Variants in MAGI3 observed in about 807,000 individuals in gnomAD.
MAGI3 encodes the protein membrane-associated guanylate kinase, WW and PDZ domain-containing protein 3.
A neutral mutation model predicts 121.8 loss-of-function variants in MAGI3; 43 were observed. The ratio of observed to expected loss-of-function variants is 0.35; its 90% CI spans 0.28 to 0.46. MAGI3 has a LOEUF of 0.46. Among genes scored for constraint, MAGI3 ranks in the 20% least tolerant of loss-of-function variants. The pLI is 1.00. For synonymous variants in MAGI3, 553 were observed against 639.3 expected (o/e 0.86, Z 2.04); for missense variants, 1,547 against 1,797.3 (o/e 0.86, Z 2.52).
At chr1:113,465,234 C>T (rs1655222261) in intron 1 of MAGI3, among the ~76,000 whole-genome samples, 1 of 152,062 alleles carries the variant, frequency 6.6e-6, no homozygotes, top group African/African-American at 2.4e-5. Context: ...AATCCAGTTT[C>T]CCCAGCAGCA....
rs568983131 is a variant in MAGI3 at position 113,447,715 on chromosome 1, A to G, written c.316+56366A>G. Among the ~76,000 whole-genome samples, 26 of 152,230 alleles carry G rather than the reference A, an allele frequency of 1.7e-4. No homozygotes were observed. The South Asian group carries it at 5.4e-3, about 32-fold the overall frequency. ...CTAAAAATACAAAAATTAGCCATGC[A>G]TGGTGGCATGTGCCTGTAATTCCAG... On this transcript the variant is annotated intron_variant, in intron 1 of 20. Coordinates refer to ENST00000307546, the MANE Select transcript of MAGI3 (RefSeq NM_001142782.2).
At chr1:113,568,334 T>C (rs1352480753) in intron 2 of MAGI3, among the ~76,000 whole-genome samples, 2 of 152,046 alleles carry the variant, frequency 1.3e-5, no homozygotes, top group Admixed American at 6.6e-5. Flanking sequence ...TAGTGTGAAA[T>C]TGAGGGATGC....
chr1:113,519,153 A>G (rs1433227745), intron 1 of MAGI3, among the ~76,000 whole-genome samples: 1 of 152,068 alleles, frequency 6.6e-6, no homozygotes, highest in Non-Finnish European at 1.5e-5. Context: ...TGTTCTTAGA[A>G]GTATGCCGAT....
At chr1:113,653,768 C>A in intron 14 of MAGI3, 62 bp from the exon 15 acceptor site, 1 of 1,387,294 alleles carries the variant, frequency 7.2e-7, no homozygotes, top group South Asian at 1.5e-5. Context: ...AGCATAAAAA[C>A]ACTTTAGTCA....
intron 9 of MAGI3, among the ~76,000 whole-genome samples, chr1:113,641,006 A>G (rs1189224774): frequency 1.9e-5 from 1 of 52,928 alleles, no homozygotes; most frequent in Non-Finnish European, 3.7e-5. Flanking sequence ...TGATATATAT[A>G]ATATATATGA....
intron 6 of MAGI3, among the ~76,000 whole-genome samples, chr1:113,598,648 A>C (rs1487535956): frequency 6.6e-6 from 1 of 152,040 alleles, no homozygotes; most frequent in East Asian, 1.9e-4. Flanking sequence ...AAATATATAT[A>C]CCCCTAACTC....
At chr1:113,627,688 G>T (rs974811221) in intron 9 of MAGI3, among the ~76,000 whole-genome samples, 3 of 150,638 alleles carry the variant, frequency 2.0e-5, no homozygotes, top group Admixed American at 2.0e-4. Flanking sequence ...TGCTTTATGT[G>T]TCTGGGTACT....
chr1:113,475,978 T>G (rs1052546490), intron 1 of MAGI3, among the ~76,000 whole-genome samples: 8 of 152,230 alleles, frequency 5.3e-5, no homozygotes, highest in Admixed American at 1.3e-4. Context: ...GTCCAGGAAT[T>G]TATCCATTTC....
chr1:113,438,248 T>C (rs1387709135), intron 1 of MAGI3, among the ~76,000 whole-genome samples: 1 of 152,158 alleles, frequency 6.6e-6, no homozygotes, highest in Non-Finnish European at 1.5e-5. Context: ...TATTTACTTA[T>C]AGTCCTGAAA....
intron 1 of MAGI3, among the ~76,000 whole-genome samples, chr1:113,482,182 C>G (rs981270932): frequency 1.3e-5 from 2 of 152,044 alleles, no homozygotes; most frequent in African/African-American, 2.4e-5. Context: ...TTGTGATACT[C>G]AGAAGACAGG....
intron 2 of MAGI3, among the ~76,000 whole-genome samples, chr1:113,572,932 CT>C (rs1199366354): frequency 0.012 from 1,700 of 145,662 alleles, 28 homozygotes; most frequent in African/African-American, 0.039. Flanking sequence ...GTTCTGCTAG[CT>C]TTTTTTTTTT....
At chr1:113,494,582 A>C (rs1008291091) in intron 1 of MAGI3, among the ~76,000 whole-genome samples, 1 of 152,228 alleles carries the variant, frequency 6.6e-6, no homozygotes, top group African/African-American at 2.4e-5. Flanking sequence ...CACATGCTAA[A>C]TGATGTATCC....
chr1:113,415,493 G>A (rs1652252293), intron 1 of MAGI3, among the ~76,000 whole-genome samples: 1 of 151,956 alleles, frequency 6.6e-6, no homozygotes, highest in South Asian at 2.1e-4. Context: ...AGATTGCTTT[G>A]TGATGGCTGT....
chr1:113,450,506 G>C (rs1654424078), intron 1 of MAGI3: 1 of 1,014,392 alleles, frequency 9.9e-7, no homozygotes, highest in African/African-American at 1.6e-5. Flanking sequence ...TGGATATGGT[G>C]GAGGTGGTGG....
At chr1:113,647,587 A>G (rs1201209414) in intron 12 of MAGI3, among the ~76,000 whole-genome samples, 1 of 152,224 alleles carries the variant, frequency 6.6e-6, no homozygotes, top group African/African-American at 2.4e-5. Flanking sequence ...GTAAAATTGC[A>G]GATTTGAGTA....
At chr1:113,598,167 G>A (rs1019162066) in intron 6 of MAGI3, among the ~76,000 whole-genome samples, 1 of 151,918 alleles carries the variant, frequency 6.6e-6, no homozygotes, top group Non-Finnish European at 1.5e-5. Context: ...AGCCAAGATT[G>A]CACCACTGTA....
At chr1:113,556,573 T>A (rs1038565990) in intron 2 of MAGI3, among the ~76,000 whole-genome samples, 1 of 150,542 alleles carries the variant, frequency 6.6e-6, no homozygotes, top group African/African-American at 2.4e-5. Flanking sequence ...TTTTTTTTTT[T>A]TGAGACAGAG....
intron 1 of MAGI3, among the ~76,000 whole-genome samples, chr1:113,514,861 A>G (rs1041224315): frequency 5.3e-5 from 8 of 152,146 alleles, no homozygotes; most frequent in East Asian, 1.9e-4. Flanking sequence ...TAACTCCAGG[A>G]TATGAAAGAT....
At chr1:113,581,633 T>G (rs575835574) in intron 3 of MAGI3, among the ~76,000 whole-genome samples, 1 of 152,294 alleles carries the variant, frequency 6.6e-6, no homozygotes, top group Admixed American at 6.5e-5. Context: ...GGACTATTGC[T>G]GTTGATCTCA....
Sources: allele counts gnomAD v4.1 joint callset (sites outside exome capture counted in the v4.1 genomes callset), GRCh38; gene constraint gnomAD v4.1.1; transcripts MANE v1.5; gene names NCBI Gene and HGNC (gene_info 2026-07-23, HGNC 2026-07-21).